The following ARFGEF2 variants were observed in gnomAD, a reference collection of about 807,000 sequenced individuals.
ARFGEF2 encodes the protein ARF guanine nucleotide exchange factor 2, also known as brefeldin A-inhibited guanine nucleotide-exchange protein 2.
In ARFGEF2, 74 loss-of-function variants were observed where a neutral mutation model predicts 219.9. That is an observed-to-expected ratio of 0.34 (90% CI 0.28 to 0.41). The LOEUF is 0.41. Among genes scored for constraint, ARFGEF2 ranks in the 10% least tolerant of loss-of-function variants. The pLI, the probability that ARFGEF2 is intolerant of heterozygous loss-of-function variation, is 1.00. For synonymous variants in ARFGEF2, 733 were observed against 799.2 expected (o/e 0.92, Z 1.40); for missense variants, 1,743 against 2,218.3 (o/e 0.79, Z 4.30).
At chr20:48,969,396 G>A in intron 9 of ARFGEF2, 119 bp downstream of exon 9, 7 of 1,583,228 alleles carry the variant, frequency 4.4e-6, no homozygotes, top group Non-Finnish European at 6.0e-6. Flanking sequence ...GTCAGTGTAA[G>A]TGCAGGAACG....
In ARFGEF2 at chr20:49,018,991, A is replaced by G. The variant is rs778497968; in HGVS notation, c.4617A>G (p.Pro1539=). Residue 1539 remains proline (P), a synonymous_variant, in exon 34 of 39, where the codon CCA becomes CCG. Coordinates refer to ENST00000371917, the MANE Select transcript of ARFGEF2 (RefSeq NM_006420.3). ...NPTDDSWKGR[P]YANQKLFASL... ...CAGATGACAGCTGGAAGGGTAGACC[A>G]TACGCAAGTAAGGCCACTTTTTAAT... The G allele has an allele frequency of 6.2e-7, 1 of 1,613,554 alleles. No individual in the cohort carries two copies. Among genetic ancestry groups the G allele is most frequent in the East Asian group, 2.2e-5 (1 of 44,870 alleles).
chr20:48,937,749 G>A (rs574106307), intron 1 of ARFGEF2, among the ~76,000 whole-genome samples: 2 of 152,268 alleles, frequency 1.3e-5, no homozygotes, highest in African/African-American at 2.4e-5. Flanking sequence ...TGCTCTCTTC[G>A]GTCCCTGTGC....
chr20:48,970,949 C>T (rs771260507), intron 9 of ARFGEF2, among the ~76,000 whole-genome samples, 171 bp from the exon 10 acceptor site: 13 of 152,200 alleles, frequency 8.5e-5, no homozygotes, highest in East Asian at 3.8e-4. Flanking sequence ...AAAGGGCCTG[C>T]GATTCCAGAA....
At chr20:48,927,191 A>G (rs762410925) in intron 1 of ARFGEF2, among the ~76,000 whole-genome samples, 2 of 152,210 alleles carry the variant, frequency 1.3e-5, no homozygotes, top group Non-Finnish European at 2.9e-5. Context: ...TTAAGGAAGT[A>G]TATTCCTAAA....
At chr20:48,977,518 T>G (rs1279086160) in intron 14 of ARFGEF2, among the ~76,000 whole-genome samples, 1 of 152,242 alleles carries the variant, frequency 6.6e-6, no homozygotes, top group Admixed American at 6.5e-5. Flanking sequence ...AGTCAAATGC[T>G]ATTTCTAGTT....
In ARFGEF2 at chr20:48,971,108, TTTC is replaced by T. The variant is rs1406894004; in HGVS notation, c.1191-9_1191-7del. On this transcript the variant is annotated splice_polypyrimidine_tract_variant and intron_variant, in intron 9 of 38. Coordinates refer to ENST00000371917, the MANE Select transcript of ARFGEF2 (RefSeq NM_006420.3). Reference sequence around the variant, plus strand: ...TTTTAGCACTGTTGTGGTTTTTCATTTTCTTTGCCAGATCCCATGAGCTGCGTT... The same window carrying T: ...TTTTAGCACTGTTGTGGTTTTTCATTTTTGCCAGATCCCATGAGCTGCGTT... 18 of 1,613,334 alleles carry T rather than the reference TTTC, an allele frequency of 1.1e-5. No homozygotes were observed. The highest frequency in any genetic ancestry group is 1.4e-5 in the Non-Finnish European group (16 of 1,179,258).
At chr20:48,936,501 T>C (rs1467687460) in intron 1 of ARFGEF2, among the ~76,000 whole-genome samples, 1 of 149,664 alleles carries the variant, frequency 6.7e-6, no homozygotes, top group African/African-American at 2.4e-5. Context: ...GACGGGGCGG[T>C]TGCCGGGCAG....
At chr20:48,968,948 T>G (rs1293298252) in intron 8 of ARFGEF2, among the ~76,000 whole-genome samples, 199 bp from the exon 9 acceptor site, 2 of 152,120 alleles carry the variant, frequency 1.3e-5, no homozygotes, top group East Asian at 3.8e-4. Context: ...AAGAGTTAGC[T>G]TTTGTTTTGT....
At chr20:48,955,268 C>T (rs1243399645) in intron 6 of ARFGEF2, among the ~76,000 whole-genome samples, 1 of 152,214 alleles carries the variant, frequency 6.6e-6, no homozygotes, top group African/African-American at 2.4e-5. Flanking sequence ...TTTGCACTTA[C>T]TGTCCCTTCC....
intron 1 of ARFGEF2, among the ~76,000 whole-genome samples, chr20:48,926,710 A>C (rs139696903): frequency 5.4e-4 from 82 of 152,254 alleles, no homozygotes; most frequent in African/African-American, 2.0e-3. Flanking sequence ...TCTCTTCATC[A>C]GCAGTAAACT....
intron 9 of ARFGEF2, 101 bp downstream of exon 9, chr20:48,969,378 G>A: frequency 6.2e-7 from 1 of 1,605,012 alleles, no homozygotes; most frequent in Non-Finnish European, 8.5e-7. Context: ...TCAGTGTCAT[G>A]TCTCTTTGTC....
chr20:49,005,370 C>T, intron 26 of ARFGEF2, 149 bp downstream of exon 26: 1 of 1,020,144 alleles, frequency 9.8e-7, no homozygotes, highest in Non-Finnish European at 1.5e-6. Flanking sequence ...ATCGATTTTC[C>T]TTAAACAAAT....
chr20:48,992,879 T>TA (rs931218012), intron 21 of ARFGEF2, among the ~76,000 whole-genome samples: 36 of 151,272 alleles, frequency 2.4e-4, no homozygotes, highest in African/African-American at 5.3e-4. Flanking sequence ...CCCATATCTT[T>TA]AAAAAAAAAT....
intron 3 of ARFGEF2, among the ~76,000 whole-genome samples, chr20:48,950,807 AAAAAATATATATATATATAT>A (rs1370938074): frequency 1.6e-4 from 7 of 44,816 alleles, no homozygotes; most frequent in East Asian, 9.0e-4. Flanking sequence ...AAAAAAAAAA[AAAAAATATATATATATATAT>A]ATATATATAT....
intron 8 of ARFGEF2, 142 bp from the exon 9 acceptor site, chr20:48,969,005 G>T (rs1435374198): frequency 3.3e-5 from 25 of 764,228 alleles, no homozygotes; most frequent in Non-Finnish European, 5.1e-5. Context: ...ATGTTCCCCA[G>T]ATTGGAGTGC....
chr20:48,969,785 A>G (rs2091213649), intron 9 of ARFGEF2, among the ~76,000 whole-genome samples: 2 of 152,230 alleles, frequency 1.3e-5, no homozygotes, highest in African/African-American at 2.4e-5. Flanking sequence ...AGAGAGCTGC[A>G]TTTAGATCTT....
chr20:49,008,667 C>A (rs1452186011), intron 26 of ARFGEF2, among the ~76,000 whole-genome samples: 1 of 149,084 alleles, frequency 6.7e-6, no homozygotes, highest in African/African-American at 2.5e-5. Context: ...GATAGTGAAA[C>A]GTGTATCTCT....
rs985072644 is a variant in ARFGEF2 at position 48,974,890 on chromosome 20, T to C, written c.1774+16T>C. The C allele has an allele frequency of 3.1e-6, 5 of 1,596,484 alleles. No individual in the cohort carries two copies. The African/African-American group carries it at 6.7e-5, about 21-fold the overall frequency. On this transcript the variant is annotated intron_variant, in intron 13 of 38. Coordinates refer to ENST00000371917, the MANE Select transcript of ARFGEF2 (RefSeq NM_006420.3). ...ACCAGCCTCGGTGAGACAGCATTGC[T>C]GCCACACCCACCTCCATTCATAATA...
Position 49,032,919 on chromosome 20 carries a change from C to T in ARFGEF2, c.5182-104C>T, listed in dbSNP as rs1600566221. On this transcript the variant is annotated intron_variant, in intron 38 of 38. Transcript: ENST00000371917. ...CAACTTTCTAATAGCAAGAAAAGCA[C>T]CAATATTGTAATAAGTTCCAGGGTG... is the stretch of plus-strand genomic sequence containing the variant. 5 of 1,137,698 alleles carry T rather than the reference C, an allele frequency of 4.4e-6. No individual in the cohort carries two copies. The East Asian group carries it at 1.2e-4, about 28-fold the overall frequency. The allele number at this position is 1,137,698 out of a possible 1,614,324, so 70.5% of individuals were successfully genotyped here.
Sources: allele counts gnomAD v4.1 joint callset (sites outside exome capture counted in the v4.1 genomes callset), GRCh38; gene constraint gnomAD v4.1.1; transcripts MANE v1.5; gene names NCBI Gene and HGNC (gene_info 2026-07-23, HGNC 2026-07-21).